DAB1: variants seen among roughly 807,000 people sequenced by gnomAD.
DAB1 encodes disabled homolog 1.
DAB1 carries 15 observed loss-of-function variants against 64.6 expected under a neutral mutation model. The observed-to-expected ratio is 0.23, with a 90% CI of 0.16 to 0.36. The LOEUF (loss-of-function observed/expected upper bound fraction) is 0.36. Ranked by LOEUF, DAB1 falls within the 10% of genes least tolerant of loss-of-function variation. The pLI is 1.00. For synonymous variants in DAB1, 235 were observed against 251.9 expected (o/e 0.93, Z 0.64); for missense variants, 596 against 706.7 (o/e 0.84, Z 1.78).
chr1:57,558,012 C>G (rs1047266502), intron 7 of DAB1, among the ~76,000 whole-genome samples: 12 of 101,822 alleles, frequency 1.2e-4, no homozygotes, highest in African/African-American at 3.7e-4. Flanking sequence ...ATGTGAGTGG[C>G]TGACCTGCAA....
intron 6 of DAB1, among the ~76,000 whole-genome samples, chr1:57,815,647 T>C (rs1205798842): frequency 6.6e-6 from 1 of 151,614 alleles, no homozygotes; most frequent in Non-Finnish European, 1.5e-5. Context: ...GTATTTTGTT[T>C]TCCTTCCCCC....
intron 3 of DAB1, among the ~76,000 whole-genome samples, chr1:58,497,246 G>A (rs1645819337): frequency 6.6e-6 from 1 of 152,126 alleles, no homozygotes; most frequent in Non-Finnish European, 1.5e-5. Flanking sequence ...AGGGAGGGGG[G>A]TACTGTCCTA....
chr1:57,531,973 G>T (rs1042483897), intron 7 of DAB1, among the ~76,000 whole-genome samples: 11 of 152,178 alleles, frequency 7.2e-5, no homozygotes, highest in Non-Finnish European at 1.3e-4. Flanking sequence ...TAACCAGGAG[G>T]TGATGCATTT....
chr1:58,408,879 G>A (rs1644641394), intron 3 of DAB1, among the ~76,000 whole-genome samples: 1 of 152,148 alleles, frequency 6.6e-6, no homozygotes, highest in South Asian at 2.1e-4. Context: ...ATTTACACAA[G>A]AACATCCTGC....
At chr1:57,732,368 A>C (rs2101775880) in intron 6 of DAB1, among the ~76,000 whole-genome samples, 1 of 152,320 alleles carries the variant, frequency 6.6e-6, no homozygotes, top group East Asian at 1.9e-4. Flanking sequence ...GTGCTGGACC[A>C]GGCACGGTAG....
intron 2 of DAB1, among the ~76,000 whole-genome samples, chr1:57,165,058 C>T (rs1157520835): frequency 6.6e-6 from 1 of 152,126 alleles, no homozygotes; most frequent in African/African-American, 2.4e-5. Context: ...TTTCCAACTG[C>T]AATACAGCCA....
At chr1:58,341,786 T>G (rs927788878) in intron 4 of DAB1, among the ~76,000 whole-genome samples, 2 of 152,176 alleles carry the variant, frequency 1.3e-5, no homozygotes, top group African/African-American at 4.8e-5. Context: ...ACACACTAGC[T>G]CCTCACAAGA....
intron 5 of DAB1, among the ~76,000 whole-genome samples, chr1:58,087,792 T>C (rs1650409297): frequency 6.6e-6 from 1 of 152,254 alleles, no homozygotes; most frequent in Non-Finnish European, 1.5e-5. Context: ...AAGGCCTACG[T>C]AACGACATCT....
At chr1:58,045,486 T>C (rs1647219683) in intron 5 of DAB1, among the ~76,000 whole-genome samples, 1 of 152,078 alleles carries the variant, frequency 6.6e-6, no homozygotes, top group African/African-American at 2.4e-5. Flanking sequence ...TTACTGGCCA[T>C]GCAGATTGTT....
chr1:58,261,041 A>G (rs1011015914), intron 4 of DAB1, among the ~76,000 whole-genome samples: 7 of 152,198 alleles, frequency 4.6e-5, no homozygotes, highest in African/African-American at 1.7e-4. Context: ...TGCAATGTAT[A>G]CAGCACTTCA....
Position 57,014,879 on chromosome 1 carries a change from T to C in DAB1, c.1444+4A>G. ...GTTTTATGTCTTAAGTGAGGGGCAC[T>C]CACGTGAGTTGGTCGATGGTGTGGT... is the stretch of plus-strand genomic sequence containing the variant. On this transcript the variant is annotated splice_donor_region_variant and intron_variant, in intron 12 of 14. Transcript: ENST00000371236. 1 of 1,545,420 alleles carries C rather than the reference T, an allele frequency of 6.5e-7. No individual in the cohort carries two copies. The highest frequency in any genetic ancestry group is 8.7e-7 in the Non-Finnish European group (1 of 1,144,220).
chr1:57,211,094 C>T (rs1460274027), intron 2 of DAB1, among the ~76,000 whole-genome samples: 5 of 152,224 alleles, frequency 3.3e-5, no homozygotes, highest in African/African-American at 1.2e-4. Flanking sequence ...CAGGCTGAGA[C>T]TGTCACCTTA....
intron 2 of DAB1, among the ~76,000 whole-genome samples, chr1:57,232,284 C>CT (rs74940041): frequency 0.017 from 1,377 of 81,650 alleles, 173 homozygotes; most frequent in African/African-American, 0.047. Flanking sequence ...GCAGTGGCCA[C>CT]TTTTTTTTTT....
intron 6 of DAB1, among the ~76,000 whole-genome samples, chr1:57,721,369 T>C (rs115591831): frequency 1.0e-3 from 157 of 152,314 alleles, no homozygotes; most frequent in African/African-American, 3.6e-3. Context: ...GTGGATCTGA[T>C]AAATAAGAAT....
At chr1:58,342,332 G>T (rs1643949492) in intron 4 of DAB1, among the ~76,000 whole-genome samples, 2 of 152,258 alleles carry the variant, frequency 1.3e-5, no homozygotes, top group South Asian at 4.1e-4. Flanking sequence ...AAGACTAAAA[G>T]GTGTCCCAGT....
intron 2 of DAB1, among the ~76,000 whole-genome samples, chr1:57,266,070 C>A (rs943327288): frequency 1.3e-5 from 2 of 152,014 alleles, no homozygotes; most frequent in African/African-American, 4.8e-5. Flanking sequence ...CAAGGGACTC[C>A]CAATTTAGAG....
At chr1:58,472,900 C>T (rs1044839386) in intron 3 of DAB1, among the ~76,000 whole-genome samples, 1 of 151,994 alleles carries the variant, frequency 6.6e-6, no homozygotes, top group Non-Finnish European at 1.5e-5. Context: ...CACCACAAAG[C>T]GAGAGGGAAA....
chr1:58,518,239 G>A (rs1557450048), intron 2 of DAB1, among the ~76,000 whole-genome samples: 2 of 10,208 alleles, frequency 2.0e-4, no homozygotes, highest in African/African-American at 1.2e-3. Flanking sequence ...AGGGGAGAGG[G>A]GAGAGGGGAG....
chr1:58,543,593 T>C (rs1199782101), intron 1 of DAB1, among the ~76,000 whole-genome samples: 1 of 152,174 alleles, frequency 6.6e-6, no homozygotes, highest in Admixed American at 6.5e-5. Context: ...GCATTATTTC[T>C]AAAATGCAAA....
Sources: gnomAD v4.1 joint callset for allele counts (sites outside exome capture counted in the v4.1 genomes callset) on GRCh38, gnomAD v4.1.1 for gene constraint, MANE v1.5 for transcripts, NCBI Gene and HGNC (gene_info 2026-07-23, HGNC 2026-07-21) for gene names.